The following SLC16A1 variants were observed in gnomAD, a reference collection of about 807,000 sequenced individuals.
The protein encoded by SLC16A1 is solute carrier family 16 member 1, also known as monocarboxylate transporter 1.
SLC16A1 carries 11 observed loss-of-function variants against 32.2 expected under a neutral mutation model. That is an observed-to-expected ratio of 0.34 (90% CI 0.21 to 0.56). The LOEUF (loss-of-function observed/expected upper bound fraction) is 0.56, where lower values mean the gene tolerates loss of function less well. SLC16A1 is among the 20% of genes least tolerant of loss of function. The pLI, the probability that SLC16A1 is intolerant of heterozygous loss-of-function variation, is 0.87. For synonymous variants in SLC16A1, 231 were observed against 226.8 expected, an observed-to-expected ratio of 1.02 and a Z score of -0.17; for missense variants, 435 against 615.0, an observed-to-expected ratio of 0.71 and a Z score of 3.10.
At chr1:112,929,402 A>G (rs1177146923) in intron 1 of SLC16A1, 50 bp from the exon 2 acceptor site, 4 of 1,030,846 alleles carry the variant, frequency 3.9e-6, no homozygotes, top group Non-Finnish European at 5.9e-6. Context: ...CACACCTATA[A>G]AACTCTTTTG....
At chr1:112,948,040 G>A (rs540822903) in intron 1 of SLC16A1, among the ~76,000 whole-genome samples, 1 of 152,252 alleles carries the variant, frequency 6.6e-6, no homozygotes, top group South Asian at 2.1e-4. Flanking sequence ...CCAACATGGT[G>A]AAACCCCATC....
chr1:112,948,802 A>C (rs549622256), intron 1 of SLC16A1, among the ~76,000 whole-genome samples: 1 of 150,014 alleles, frequency 6.7e-6, no homozygotes, highest in South Asian at 2.1e-4. Context: ...GCACCGGCCA[A>C]TATACAATTT....
At position 112,918,024 on chromosome 1, in the gene SLC16A1, A is replaced by G. The variant is rs746074147; in HGVS notation, c.382T>C (p.Leu128=). Residue 128 remains leucine, a synonymous_variant, in exon 4 of 5, where the codon TTG becomes CTG. Coordinates refer to ENST00000369626, the MANE Select transcript of SLC16A1 (RefSeq NM_003051.4). ...CCAATCATGGTCAGAGCTGGATTCA[A>G]GTTGAAGGCAAGCCCAAGACCTGTG... ...VIGGLGLAFN[L]NPALTMIGKY... The G allele has an allele frequency of 1.9e-6, 3 of 1,582,192 alleles. No individual in the cohort carries two copies. Among genetic ancestry groups the G allele is most frequent in the Non-Finnish European group, 2.6e-6 (3 of 1,171,470 alleles).
chr1:112,927,538 A>G (rs1648984403), intron 2 of SLC16A1, among the ~76,000 whole-genome samples: 1 of 152,204 alleles, frequency 6.6e-6, no homozygotes, highest in African/African-American at 2.4e-5. Flanking sequence ...AAACCAAACC[A>G]AACAAAACAA....
chr1:112,943,542 C>T (rs1248846825), intron 1 of SLC16A1, among the ~76,000 whole-genome samples: 2 of 152,068 alleles, frequency 1.3e-5, no homozygotes, highest in Non-Finnish European at 2.9e-5. Context: ...AATCCCAGCA[C>T]TTTGGGAGGT....
chr1:112,929,443 A>G, intron 1 of SLC16A1, 91 bp from the exon 2 acceptor site: 1 of 754,230 alleles, frequency 1.3e-6, no homozygotes. Flanking sequence ...ATCGTGGTGG[A>G]TCATGCCTAT....
chr1:112,946,672 G>A (rs1649714372), intron 1 of SLC16A1, among the ~76,000 whole-genome samples: 1 of 152,140 alleles, frequency 6.6e-6, no homozygotes, highest in South Asian at 2.1e-4. Flanking sequence ...TCCTGCCTCA[G>A]CCTCCCAAGT....
intron 1 of SLC16A1, among the ~76,000 whole-genome samples, chr1:112,941,829 G>A (rs989067364): frequency 6.6e-6 from 1 of 152,188 alleles, no homozygotes; most frequent in African/African-American, 2.4e-5. Flanking sequence ...ATGAAATGGA[G>A]AGTGTTTGTA....
chr1:112,950,443 T>A (rs888525805), intron 1 of SLC16A1, among the ~76,000 whole-genome samples: 6 of 152,196 alleles, frequency 3.9e-5, no homozygotes, highest in Admixed American at 1.3e-4. Context: ...CAATCAATGA[T>A]CAAATATATA....
chr1:112,933,423 T>C (rs1319289112), intron 1 of SLC16A1, among the ~76,000 whole-genome samples: 2 of 138,578 alleles, frequency 1.4e-5, no homozygotes, highest in Non-Finnish European at 3.0e-5. Context: ...GCCACTGCAC[T>C]CCAGCATGGC....
intron 1 of SLC16A1, among the ~76,000 whole-genome samples, chr1:112,950,398 T>G (rs1442886639): frequency 2.6e-5 from 4 of 152,186 alleles, no homozygotes; most frequent in African/African-American, 9.7e-5. Flanking sequence ...AAGGTTTGTG[T>G]AGGAAGAGCA....
intron 1 of SLC16A1, among the ~76,000 whole-genome samples, chr1:112,950,884 T>C (rs545287878): frequency 1.3e-5 from 2 of 152,216 alleles, no homozygotes; most frequent in South Asian, 4.1e-4. Context: ...CCTGTAGTCC[T>C]AGCTACTCAA....
intron 1 of SLC16A1, among the ~76,000 whole-genome samples, chr1:112,940,496 C>A (rs1322572811): frequency 6.6e-6 from 1 of 151,970 alleles, no homozygotes; most frequent in Non-Finnish European, 1.5e-5. Flanking sequence ...TAAATTGATA[C>A]CTAATGGTTT....
chr1:112,914,970 T>C (rs543148302), intron 4 of SLC16A1, among the ~76,000 whole-genome samples: 55 of 152,390 alleles, frequency 3.6e-4, no homozygotes, highest in Non-Finnish European at 7.2e-4. Context: ...TAAAATTTAT[T>C]AGCATCTCAT....
At chr1:112,951,058 T>C (rs1044365910) in intron 1 of SLC16A1, among the ~76,000 whole-genome samples, 2 of 151,934 alleles carry the variant, frequency 1.3e-5, no homozygotes, top group Admixed American at 1.3e-4. Context: ...GTATAAATTC[T>C]ATACATTCTA....
chr1:112,952,865 T>C (rs1649946413), intron 1 of SLC16A1, among the ~76,000 whole-genome samples: 1 of 152,210 alleles, frequency 6.6e-6, no homozygotes, highest in African/African-American at 2.4e-5. Flanking sequence ...AGTGTCCCTA[T>C]TGGTTAAATG....
intron 1 of SLC16A1, among the ~76,000 whole-genome samples, chr1:112,946,901 T>C (rs1649721342): frequency 6.6e-6 from 1 of 152,196 alleles, no homozygotes; most frequent in Non-Finnish European, 1.5e-5. Flanking sequence ...TGAGCTATTA[T>C]TACACCAGCA....
intron 4 of SLC16A1, among the ~76,000 whole-genome samples, chr1:112,915,816 T>C (rs1428248676): frequency 1.3e-5 from 2 of 152,198 alleles, no homozygotes; most frequent in African/African-American, 4.8e-5. Context: ...GATCTTCTGT[T>C]ATATACTCAC....
intron 1 of SLC16A1, among the ~76,000 whole-genome samples, chr1:112,932,388 T>C (rs1570633748): frequency 6.6e-6 from 1 of 151,940 alleles, no homozygotes; most frequent in Non-Finnish European, 1.5e-5. Flanking sequence ...TGTTTAAAAA[T>C]TGGGTGTGGT....
Sources: gnomAD v4.1 joint callset for allele counts (sites outside exome capture counted in the v4.1 genomes callset) on GRCh38, gnomAD v4.1.1 for gene constraint, MANE v1.5 for transcripts, NCBI Gene and HGNC (gene_info 2026-07-23, HGNC 2026-07-21) for gene names.